LDLRAD4: variants seen among roughly 807,000 people sequenced by gnomAD.
LDLRAD4 encodes low density lipoprotein receptor class A domain containing 4, also known as low-density lipoprotein receptor class A domain-containing protein 4.
Under a neutral mutation model 17.0 loss-of-function variants are expected in LDLRAD4, and 5 were observed. The ratio of observed to expected loss-of-function variants is 0.29; its 90% CI spans 0.15 to 0.62. The LOEUF (loss-of-function observed/expected upper bound fraction) is 0.62, where lower values mean the gene tolerates loss of function less well. Among genes scored for constraint, LDLRAD4 ranks in the 20% least tolerant of loss-of-function variants. The pLI is 0.84. For synonymous variants in LDLRAD4, 168 were observed against 171.8 expected (o/e 0.98, Z 0.17); for missense variants, 340 against 424.7 (o/e 0.80, Z 1.75).
chr18:13,652,594 ATGGTGT>A (rs2149044424), exon 6 of LDLRAD4: 1 of 152,738 alleles, frequency 6.5e-6, no homozygotes, highest in African/African-American at 2.4e-5. Flanking sequence ...TACCTGAGCA[ATGGTGT>A]AGTTCTTAGA....
At chr18:13,231,679 TC>T (rs1459501751) in intron 1 of LDLRAD4, among the ~76,000 whole-genome samples, 1 of 152,248 alleles carries the variant, frequency 6.6e-6, no homozygotes, top group Non-Finnish European at 1.5e-5. Flanking sequence ...TTTATCACTT[TC>T]GCATGGGAAT....
chr18:13,384,003 G>T (rs1472991651), intron 1 of LDLRAD4, among the ~76,000 whole-genome samples: 1 of 152,134 alleles, frequency 6.6e-6, no homozygotes, highest in Non-Finnish European at 1.5e-5. Flanking sequence ...CCATTGATGC[G>T]GTAACACAGC....
intron 1 of LDLRAD4, among the ~76,000 whole-genome samples, chr18:13,358,865 A>T (rs1407520323): frequency 2.0e-5 from 3 of 152,212 alleles, no homozygotes; most frequent in Non-Finnish European, 4.4e-5. Context: ...TAACACAAAT[A>T]TGATGAAATT....
At chr18:13,522,674 A>G (rs1401812858) in intron 3 of LDLRAD4, 1 of 152,232 alleles carries the variant, frequency 6.6e-6, no homozygotes, top group Non-Finnish European at 1.5e-5. Context: ...ATATGGCATC[A>G]GACACAAAAG....
intron 3 of LDLRAD4, among the ~76,000 whole-genome samples, chr18:13,533,538 G>T (rs1173525346): frequency 6.6e-6 from 1 of 152,032 alleles, no homozygotes; most frequent in Non-Finnish European, 1.5e-5. Flanking sequence ...GCAAGAATTT[G>T]GTTTAAACAT....
In LDLRAD4 at chr18:13,239,635, A is replaced by C. The variant is rs1306711626; in HGVS notation, c.-467+20647A>C. 2.0e-5 allele frequency: 3 copies of C among 152,434 alleles called. No homozygotes were observed. In the East Asian group the frequency reaches 5.8e-4, roughly 29 times the overall value. 9.4% of individuals were successfully genotyped at this position (152,434 alleles called of 1,614,324 possible). ...GGCTGGAGAGACCTTCAGTAGGCTC[A>C]GAACAGCTGCGCTCATTCACTCACT... On this transcript the variant is annotated intron_variant, in intron 1 of 5. Coordinates refer to the LDLRAD4 transcript ENST00000399848.
intron 3 of LDLRAD4, chr18:13,611,738 A>G: frequency 1.0e-6 from 1 of 985,492 alleles, no homozygotes; most frequent in South Asian, 4.7e-5. Context: ...GGGAATAATG[A>G]TGTGAGGCAG....
intron 3 of LDLRAD4, among the ~76,000 whole-genome samples, chr18:13,500,286 C>A (rs9916902): frequency 6.6e-6 from 1 of 152,146 alleles, no homozygotes; most frequent in South Asian, 2.1e-4. Context: ...AGGCACATTG[C>A]GTCGTCTCTC....
intron 2 of LDLRAD4, among the ~76,000 whole-genome samples, chr18:13,411,569 A>C (rs1194681384): frequency 6.6e-6 from 1 of 152,138 alleles, no homozygotes; most frequent in Non-Finnish European, 1.5e-5. Flanking sequence ...ATAGTGAATA[A>C]GTCTCATGTG....
chr18:13,227,269 T>C (rs2041858379), intron 1 of LDLRAD4, among the ~76,000 whole-genome samples: 2 of 152,330 alleles, frequency 1.3e-5, no homozygotes, highest in Middle Eastern at 3.4e-3. Flanking sequence ...AAAATCACTT[T>C]ACTAGGTGGT....
chr18:13,587,236 T>C (rs1379698832), intron 3 of LDLRAD4, among the ~76,000 whole-genome samples: 1 of 152,194 alleles, frequency 6.6e-6, no homozygotes, highest in Non-Finnish European at 1.5e-5. Flanking sequence ...TCCCAGGTGA[T>C]GCTGATGCTG....
intron 3 of LDLRAD4, among the ~76,000 whole-genome samples, chr18:13,607,616 C>T (rs1181173320): frequency 6.6e-6 from 1 of 151,898 alleles, no homozygotes; most frequent in Non-Finnish European, 1.5e-5. Flanking sequence ...CCCCAACAGG[C>T]CCCACTGTGT....
At chr18:13,267,891 T>C (rs2044309271) in intron 1 of LDLRAD4, among the ~76,000 whole-genome samples, 1 of 152,188 alleles carries the variant, frequency 6.6e-6, no homozygotes, top group South Asian at 2.1e-4. Context: ...ATTGTTTCTT[T>C]TTCTTTTAAA....
In LDLRAD4 at chr18:13,300,345, G is replaced by A. The variant is rs1484813580; in HGVS notation, c.-383+22157G>A. 6.6e-6 allele frequency among the ~76,000 whole-genome samples: 1 copy of A among 152,252 alleles called. No homozygotes were observed. Among genetic ancestry groups the A allele is most frequent in the African/African-American group, 2.4e-5 (1 of 41,470 alleles). ...GGCCACCTCACCAGGCAGAACAGAT[G>A]GCAGTGGTGAGGGCTGGAGCCCTCT... On this transcript the variant is annotated intron_variant, in intron 1 of 5. Transcript: ENST00000359446. This position sits in a 1 kb window ranked among gnomAD's most constrained non-coding sequence, Gnocchi z 4.2.
At chr18:13,413,402 C>T (rs8094984) in intron 2 of LDLRAD4, among the ~76,000 whole-genome samples, 11,853 of 152,222 alleles carry the variant, frequency 0.078, 784 homozygotes, top group East Asian at 0.27. Flanking sequence ...TGAGCTTCTG[C>T]GGAAGTTTCT....
intron 1 of LDLRAD4, among the ~76,000 whole-genome samples, chr18:13,346,500 T>C (rs1346805127): frequency 3.3e-5 from 5 of 152,338 alleles, no homozygotes; most frequent in South Asian, 2.1e-4. Flanking sequence ...TTTCCAACTA[T>C]GTGGTCAATT....
At chr18:13,301,186 C>T (rs548099837) in intron 1 of LDLRAD4, among the ~76,000 whole-genome samples, 1 of 152,278 alleles carries the variant, frequency 6.6e-6, no homozygotes. Flanking sequence ...GTACCTTTAG[C>T]GTGCTGGAGA....
intron 1 of LDLRAD4, among the ~76,000 whole-genome samples, chr18:13,349,781 C>T (rs1435934920): frequency 6.6e-6 from 1 of 152,126 alleles, no homozygotes; most frequent in African/African-American, 2.4e-5. Flanking sequence ...TCTCCTTCGT[C>T]TCACCCCCCA....
intron 3 of LDLRAD4, among the ~76,000 whole-genome samples, chr18:13,473,363 C>G (rs1312119415): frequency 2.0e-5 from 3 of 152,084 alleles, no homozygotes; most frequent in African/African-American, 4.8e-5. Flanking sequence ...ATATCACAGC[C>G]AGACAGATTC....
Sources: gnomAD v4.1 joint callset for allele counts (sites outside exome capture counted in the v4.1 genomes callset) on GRCh38, gnomAD v4.1.1 for gene constraint, Gnocchi (gnomAD v3.1) non-coding constraint, MANE v1.5 for transcripts, NCBI Gene and HGNC (gene_info 2026-07-23, HGNC 2026-07-21) for gene names.